SLC25A48: variants seen among roughly 807,000 people sequenced by gnomAD.
SLC25A48 encodes CTC-321K16.1.
A neutral mutation model predicts 32.2 loss-of-function variants in SLC25A48; 29 were observed. The ratio of observed to expected loss-of-function variants is 0.90; its 90% CI spans 0.67 to 1.23. SLC25A48 has a LOEUF of 1.23. SLC25A48 is among the 50% of genes most tolerant of loss of function. The pLI is 0.00. For missense variants in SLC25A48, 399 were observed against 422.7 expected (o/e 0.94, Z 0.49); for synonymous variants, 164 against 172.3 (o/e 0.95, Z 0.38).
intron 3 of SLC25A48, among the ~76,000 whole-genome samples, chr5:135,728,042 G>A (rs1169791186): frequency 6.6e-6 from 1 of 152,144 alleles, no homozygotes; most frequent in African/African-American, 2.4e-5. Flanking sequence ...GATCACCTGA[G>A]GTCAGGAGTT....
chr5:135,712,457 T>C (rs560248516), intron 3 of SLC25A48, among the ~76,000 whole-genome samples: 10 of 152,314 alleles, frequency 6.6e-5, no homozygotes, highest in Admixed American at 1.3e-4. Context: ...GTAGACACTT[T>C]GGAGAATACA....
intron 5 of SLC25A48, among the ~76,000 whole-genome samples, chr5:135,873,819 G>T (rs1454847316): frequency 1.3e-5 from 2 of 152,202 alleles, no homozygotes. Context: ...GAAGCCCAAG[G>T]CTTAGAGAAG....
chr5:135,588,531 G>A (rs1288501667), intron 1 of SLC25A48, among the ~76,000 whole-genome samples: 1 of 152,236 alleles, frequency 6.6e-6, no homozygotes, highest in African/African-American at 2.4e-5. Context: ...TTGCCAGCAG[G>A]CTGAGAGAAT....
intron 4 of SLC25A48, among the ~76,000 whole-genome samples, chr5:135,867,617 G>C (rs765272983): frequency 2.6e-5 from 4 of 152,106 alleles, no homozygotes; most frequent in Non-Finnish European, 4.4e-5. Context: ...TCATCAGCAG[G>C]GCTATCTTAT....
chr5:135,662,271 G>A (rs148736476), intron 3 of SLC25A48, among the ~76,000 whole-genome samples: 2 of 152,248 alleles, frequency 1.3e-5, no homozygotes, highest in South Asian at 2.1e-4. Flanking sequence ...GCCAGGATAC[G>A]CTGCCTGCCT....
rs1260650519 is a variant in SLC25A48, at chr5:135,850,457, C to T, written c.123C>T (p.Asn41=). Residue 41 remains asparagine, a synonymous_variant, in exon 3 of 8, where the codon AAC becomes AAT. Coordinates refer to ENST00000681962, the MANE Select transcript of SLC25A48 (RefSeq NM_001349336.2). ...TRLQAGVGYG[N]TLSCIRVVYR... is the part of the protein sequence containing the mutation. ...TGCAGGCTGGCGTTGGCTACGGAAA[C>T]ACCCTCAGCTGCATCCGCGTGGTGT... is the stretch of plus-strand genomic sequence containing the variant. 6.2e-7 allele frequency: 1 copy of T among 1,614,180 alleles called. No homozygotes were observed. Among genetic ancestry groups the T allele is most frequent in the South Asian group, 1.1e-5 (1 of 91,086 alleles).
At chr5:135,615,273 C>A (rs188369656) in intron 1 of SLC25A48, among the ~76,000 whole-genome samples, 233 of 152,270 alleles carry the variant, frequency 1.5e-3, no homozygotes, top group African/African-American at 5.4e-3. Flanking sequence ...CTCCCAGAGA[C>A]TTGTTAAATG....
At chr5:135,821,061 A>G (rs916311759) in intron 4 of SLC25A48, among the ~76,000 whole-genome samples, 4 of 152,166 alleles carry the variant, frequency 2.6e-5, no homozygotes, top group South Asian at 2.1e-4. Flanking sequence ...CCCCCTTTTC[A>G]GGCTGGTTCA....
At position 135,780,735 on chromosome 5, in the gene SLC25A48, C is replaced by T. The variant is rs1270532003; in HGVS notation, c.-520-31788C>T. 9.5e-5 allele frequency among the ~76,000 whole-genome samples: 11 copies of T among 115,430 alleles called. 3 individuals carry two copies. Among genetic ancestry groups the T allele is most frequent in the Non-Finnish European group, 1.9e-4 (9 of 46,880 alleles). The allele number at this position is 115,430 out of a possible 152,430, so 75.7% of individuals were successfully genotyped here. Reference sequence around the variant, plus strand: ...AGGGTTGGGAGAGGATGATATTATACCCAAAATTGCAGGGGGTGAATACAC... The same window carrying T: ...AGGGTTGGGAGAGGATGATATTATATCCAAAATTGCAGGGGGTGAATACAC... On this transcript the variant is annotated intron_variant, in intron 3 of 10. Coordinates refer to the SLC25A48 transcript ENST00000646290.
chr5:135,777,768 T>C (rs918951018), intron 3 of SLC25A48, among the ~76,000 whole-genome samples: 1 of 121,624 alleles, frequency 8.2e-6, no homozygotes, highest in Non-Finnish European at 1.8e-5. Context: ...CCCCCTGTGA[T>C]ATTATTCCTA....
intron 3 of SLC25A48, 147 bp from the exon 4 acceptor site, chr5:135,852,416 C>G: frequency 1.0e-6 from 1 of 980,254 alleles, no homozygotes; most frequent in Admixed American, 2.6e-5. Context: ...GGTTCCCCAC[C>G]CCCTACCTCC....
At chr5:135,850,174 A>T (rs1415592302) in intron 2 of SLC25A48, among the ~76,000 whole-genome samples, 1 of 152,208 alleles carries the variant, frequency 6.6e-6, no homozygotes, top group Non-Finnish European at 1.5e-5. Flanking sequence ...TCATACAATC[A>T]TTCGGCACAA....
At chr5:135,683,110 G>T (rs936078186) in intron 3 of SLC25A48, among the ~76,000 whole-genome samples, 6 of 152,128 alleles carry the variant, frequency 3.9e-5, no homozygotes, top group African/African-American at 1.4e-4. Flanking sequence ...TCCATTTGTG[G>T]CGTCAATCTC....
At chr5:135,880,146 C>CT (rs878929700) in intron 7 of SLC25A48, 49 bp downstream of exon 7, 129,276 of 1,218,218 alleles carry the variant, frequency 0.11, 336 homozygotes, top group South Asian at 0.15. Context: ...GAACTTGAAA[C>CT]TTTTTTTTTT....
chr5:135,877,747 G>A (rs1241702670), intron 6 of SLC25A48, among the ~76,000 whole-genome samples: 3 of 152,116 alleles, frequency 2.0e-5, no homozygotes, highest in Non-Finnish European at 4.4e-5. Flanking sequence ...AGTGACACTT[G>A]GAGAACAGTG....
chr5:135,887,966 T>C, intron 7 of SLC25A48, 66 bp from the exon 8 acceptor site: 1 of 1,468,006 alleles, frequency 6.8e-7, no homozygotes, highest in Non-Finnish European at 9.3e-7. Context: ...TGGCCTGGTG[T>C]GATTTTTCTG....
chr5:135,760,345 C>T (rs939124287), intron 3 of SLC25A48, among the ~76,000 whole-genome samples: 20 of 152,136 alleles, frequency 1.3e-4, no homozygotes, highest in African/African-American at 3.4e-4. Flanking sequence ...TCAGGTGTGG[C>T]GGCTTCTGCC....
chr5:135,774,246 G>C (rs1220972380), intron 3 of SLC25A48, among the ~76,000 whole-genome samples: 1 of 151,510 alleles, frequency 6.6e-6, no homozygotes, highest in Non-Finnish European at 1.5e-5. Context: ...CAGGGAGGAA[G>C]AAAATAACAT....
At chr5:135,886,623 ATATATATAT>A (rs1762730114) in intron 7 of SLC25A48, among the ~76,000 whole-genome samples, 4 of 22,942 alleles carry the variant, frequency 1.7e-4, no homozygotes, top group African/African-American at 7.2e-4. Flanking sequence ...ATATATATAT[ATATATATAT>A]ATATAAAATA....
Sources: gnomAD v4.1 joint callset for allele counts (sites outside exome capture counted in the v4.1 genomes callset) on GRCh38, gnomAD v4.1.1 for gene constraint, MANE v1.5 for transcripts, NCBI Gene and HGNC (gene_info 2026-07-23, HGNC 2026-07-21) for gene names.